Variants in SSH2 observed in about 807,000 individuals in gnomAD.
The protein encoded by SSH2 is slingshot protein phosphatase 2, also known as protein phosphatase Slingshot homolog 2.
SSH2 carries 37 observed loss-of-function variants against 135.2 expected under a neutral mutation model. The ratio of observed to expected loss-of-function variants is 0.27; its 90% CI spans 0.21 to 0.36. SSH2 has a LOEUF of 0.36. Ranked by LOEUF, SSH2 falls within the 10% of genes least tolerant of loss-of-function variation. The pLI is 1.00. For missense variants in SSH2, 1,408 were observed against 1,765.3 expected, an observed-to-expected ratio of 0.80 and a Z score of 3.63; for synonymous variants, 628 against 646.2, an observed-to-expected ratio of 0.97 and a Z score of 0.43.
intron 3 of SSH2, among the ~76,000 whole-genome samples, chr17:29,721,086 T>C (rs940468800): frequency 1.3e-5 from 2 of 152,236 alleles, no homozygotes; most frequent in African/African-American, 4.8e-5. Flanking sequence ...GAAGACGCAA[T>C]GATCCACAGC....
chr17:29,727,371 G>A (rs2040037618), intron 3 of SSH2, among the ~76,000 whole-genome samples: 1 of 152,116 alleles, frequency 6.6e-6, no homozygotes, highest in African/African-American at 2.4e-5. Context: ...CTGGCAAGCA[G>A]GTAATATTAA....
At chr17:29,856,707 C>T (rs965745543) in intron 1 of SSH2, among the ~76,000 whole-genome samples, 7 of 152,138 alleles carry the variant, frequency 4.6e-5, no homozygotes, top group African/African-American at 1.4e-4. Context: ...TCCCACCTAC[C>T]ACAACCCCAT....
At chr17:29,687,783 T>A (rs1428934081) in intron 5 of SSH2, among the ~76,000 whole-genome samples, 1 of 152,168 alleles carries the variant, frequency 6.6e-6, no homozygotes, top group Non-Finnish European at 1.5e-5. Flanking sequence ...CTCCAAGAAT[T>A]TCTGGCAAGG....
At chr17:29,793,997 C>G (rs1273541729) in intron 2 of SSH2, 60 bp from the exon 3 acceptor site, 3 of 1,229,396 alleles carry the variant, frequency 2.4e-6, no homozygotes, top group Non-Finnish European at 3.6e-6. Context: ...CATAATATCA[C>G]TAATATAATT....
intron 11 of SSH2, among the ~76,000 whole-genome samples, chr17:29,661,061 CA>C (rs374216221): frequency 3.6e-3 from 173 of 48,360 alleles, no homozygotes; most frequent in Middle Eastern, 0.024. Context: ...AATTCCATCT[CA>C]AAAAAAAAAA....
chr17:29,636,814 A>C lies in SSH2; in HGVS notation c.1428-12T>G. The C allele has an allele frequency of 6.5e-7, 1 of 1,548,624 alleles. No homozygotes were observed. The highest frequency in any genetic ancestry group is 8.8e-7 in the Non-Finnish European group (1 of 1,130,276). ...TATGCCGCTGTTTGCTGTGGAGGAC[A>C]TACACAGGAAGTATCTTAATCTGGT... is the stretch of plus-strand genomic sequence containing the variant. On this transcript the variant is annotated splice_polypyrimidine_tract_variant and intron_variant, in intron 14 of 15. Transcript: ENST00000540801.
chr17:29,913,070 C>T lies in SSH2; in HGVS notation c.63+16868G>A, dbSNP rs540927659. Among the ~76,000 whole-genome samples the T allele has an allele frequency of 2.0e-5, 3 of 151,386 alleles. No homozygotes were observed. In the South Asian group the frequency reaches 6.3e-4, roughly 32 times the overall value. ...CAGTGGCTCAGGCCTGTAATCCCAGCACTTTGGGAGGCTGAGGCAGACGGA... is the reference window on the plus strand; with the variant it reads ...CAGTGGCTCAGGCCTGTAATCCCAGTACTTTGGGAGGCTGAGGCAGACGGA... On this transcript the variant is annotated intron_variant, in intron 1 of 15. Coordinates refer to ENST00000540801, the MANE Select transcript of SSH2 (RefSeq NM_001282129.2).
chr17:29,708,261 C>G (rs2039287433), intron 3 of SSH2, among the ~76,000 whole-genome samples: 1 of 152,014 alleles, frequency 6.6e-6, no homozygotes, highest in Non-Finnish European at 1.5e-5. Flanking sequence ...CTTAAAAATT[C>G]AATTGACAAG....
intron 3 of SSH2, among the ~76,000 whole-genome samples, chr17:29,708,331 T>C (rs1332552892): frequency 6.6e-6 from 1 of 152,146 alleles, no homozygotes; most frequent in Non-Finnish European, 1.5e-5. Flanking sequence ...CTCACACCTG[T>C]AATCCCAACA....
chr17:29,829,638 T>C (rs571313952), intron 2 of SSH2, among the ~76,000 whole-genome samples: 2 of 152,172 alleles, frequency 1.3e-5, no homozygotes, highest in African/African-American at 4.8e-5. Flanking sequence ...CACTCATTTA[T>C]TCTTCTTTTA....
chr17:29,864,512 G>A (rs1448175930), intron 1 of SSH2, among the ~76,000 whole-genome samples: 6 of 151,104 alleles, frequency 4.0e-5, no homozygotes, highest in Non-Finnish European at 7.4e-5. Context: ...GCAACTAACG[G>A]TGATAAGATT....
intron 3 of SSH2, among the ~76,000 whole-genome samples, chr17:29,725,488 G>A (rs1383108299): frequency 6.6e-6 from 1 of 151,922 alleles, no homozygotes; most frequent in Admixed American, 6.6e-5. Flanking sequence ...GCAAAGACTT[G>A]GAACCAACCC....
In SSH2 at chr17:29,631,706, G is replaced by A. The variant is rs2150960000; in HGVS notation, c.3488C>T (p.Thr1163Ile). ...TGTGAAGCCCTCCAGGTGAACCATAGTCTGGGGATGCAGGTAATCCAAACT... is the reference window on the plus strand; with the variant it reads ...TGTGAAGCCCTCCAGGTGAACCATAATCTGGGGATGCAGGTAATCCAAACT... ...SASLDYLHPQ[T>I]MVHLEGFTEQ... Residue 1163 changes from threonine (T) to isoleucine (I), a missense_variant, in exon 16 of 16, where the codon ACT (threonine) becomes ATT (isoleucine). Thr to Ile is a moderately conservative substitution (Grantham distance 89). Around this residue, in one of 3 missense-constraint regions of SSH2, gnomAD observed 1,080 missense variants for 1,144.5 expected, o/e 0.94. Transcript: ENST00000540801. 1 of 1,614,196 alleles carries A rather than the reference G, an allele frequency of 6.2e-7. No homozygotes were observed.
At chr17:29,900,191 C>T (rs2066523236) in intron 1 of SSH2, among the ~76,000 whole-genome samples, 1 of 152,098 alleles carries the variant, frequency 6.6e-6, no homozygotes, top group African/African-American at 2.4e-5. Context: ...CAAAGAAAAC[C>T]TAGGCAATAC....
intron 1 of SSH2, among the ~76,000 whole-genome samples, chr17:29,880,796 T>C (rs922450523): frequency 6.6e-6 from 1 of 152,226 alleles, no homozygotes; most frequent in Non-Finnish European, 1.5e-5. Flanking sequence ...ATTTGAGTAA[T>C]ACTTTCATAA....
In SSH2 at chr17:29,784,065, C is replaced by CAAAAAAAAA. The variant is rs71138857; in HGVS notation, c.188+9820_188+9828dup. Among the ~76,000 whole-genome samples the CAAAAAAAAA allele has an allele frequency of 4.3e-3, 35 of 8,230 alleles. 1 individual carries two copies. The highest frequency in any genetic ancestry group is 6.5e-3 in the Non-Finnish European group (26 of 3,998). 5.4% of individuals were successfully genotyped at this position (8,230 alleles called of 152,430 possible). On this transcript the variant is annotated intron_variant, in intron 3 of 15. Coordinates refer to ENST00000540801, the MANE Select transcript of SSH2 (RefSeq NM_001282129.2). ...TGGGTGACAGAGCGAGACTCCGTCT[C>CAAAAAAAAA]AAAAAAAAAAAAAAAAAAAAAAAAA... is the stretch of plus-strand genomic sequence containing the variant.
chr17:29,814,903 T>C (rs1395273979), intron 2 of SSH2, among the ~76,000 whole-genome samples: 3 of 151,640 alleles, frequency 2.0e-5, no homozygotes, highest in East Asian at 3.9e-4. Context: ...AATGGGAAAG[T>C]GAATTAGGGA....
At chr17:29,819,279 CAGTAAACACTTTCCTTG>C (rs1472424576) in intron 2 of SSH2, among the ~76,000 whole-genome samples, 1 of 152,100 alleles carries the variant, frequency 6.6e-6, no homozygotes, top group Non-Finnish European at 1.5e-5. Flanking sequence ...ATCCTGGGGT[CAGTAAACACTTTCCTTG>C]AGCAACTAGC....
At chr17:29,875,673 C>T (rs140370079) in intron 1 of SSH2, among the ~76,000 whole-genome samples, 42 of 152,268 alleles carry the variant, frequency 2.8e-4, no homozygotes, top group African/African-American at 9.6e-4. Flanking sequence ...CATTCAGCCC[C>T]ACTACATTAT....
Sources: gnomAD v4.1 joint callset for allele counts (sites outside exome capture counted in the v4.1 genomes callset) on GRCh38, gnomAD v4.1.1 for gene constraint, gnomAD v4.1.1 regional missense constraint, MANE v1.5 for transcripts, NCBI Gene and HGNC (gene_info 2026-07-23, HGNC 2026-07-21) for gene names.